NCL: variants seen among roughly 807,000 people sequenced by gnomAD.
The protein encoded by NCL is nucleolin multifunctional protein.
NCL carries 4 observed loss-of-function variants against 77.7 expected under a neutral mutation model. The ratio of observed to expected loss-of-function variants is 0.05; its 90% confidence interval spans 0.03 to 0.12. The LOEUF is 0.12. Ranked by LOEUF, NCL falls within the 10% of genes least tolerant of loss-of-function variation. The pLI is 1.00. For missense variants in NCL, 763 were observed against 860.9 expected (o/e 0.89, Z 1.42); for synonymous variants, 344 against 297.8 (o/e 1.16, Z -1.60).
At chr2:231,463,379 G>A in intron 1 of NCL, 63 bp from the exon 2 acceptor site, 5 of 1,107,240 alleles carry the variant, frequency 4.5e-6, no homozygotes, top group Non-Finnish European at 6.8e-6. Flanking sequence ...TTCATATTTT[G>A]CCATTAGTGT....
At chr2:231,464,291 G>C (rs752358774) in intron 1 of NCL, 45 bp downstream of exon 1, 4 of 1,558,532 alleles carry the variant, frequency 2.6e-6, no homozygotes, top group Non-Finnish European at 3.5e-6. Flanking sequence ...CTCGCCCCTC[G>C]GAAAGCAGGC....
chr2:231,462,089 G>A lies in NCL; in HGVS notation c.136-72C>T, dbSNP rs762586370. On this transcript the variant is annotated intron_variant, in intron 2 of 13. Transcript: ENST00000322723. Reference sequence around the variant, plus strand: ...AAAAAGATAACCATGGTCCCAATGAGATGTTAGACTCTGGCAATGCCTCTG... The same window carrying A: ...AAAAAGATAACCATGGTCCCAATGAAATGTTAGACTCTGGCAATGCCTCTG... 11 of 1,566,326 alleles carry A rather than the reference G, an allele frequency of 7.0e-6. No individual in the cohort carries two copies. The African/African-American group carries it at 1.1e-4, about 15-fold the overall frequency.
In NCL at chr2:231,461,948, T is replaced by C. The variant is rs199566591; in HGVS notation, c.205A>G (p.Thr69Ala). 1 of 1,613,174 alleles carries C rather than the reference T, an allele frequency of 6.2e-7. No homozygotes were observed. Among genetic ancestry groups the C allele is most frequent in the East Asian group, 2.2e-5 (1 of 44,890 alleles). Residue 69 changes from threonine (T) to alanine (A), a missense_variant, in exon 3 of 14, where the codon ACA (threonine) becomes GCA (alanine). Thr to Ala is a moderately conservative substitution (Grantham distance 58). This residue lies in a region of NCL where 590 missense variants were observed against 570.5 expected (regional missense o/e 1.03). Transcript: ENST00000322723. ...TSAKKVVVSPTKKVAVATPAK... is the reference protein window; with the variant it reads ...TSAKKVVVSPAKKVAVATPAK... The stretch of plus-strand genomic sequence containing the variant: ...GGTGTGGCAACTGCAACCTTTTTTG[T>C]TGGGGAAACGACCACCTTCTTTGCT...
intron 8 of NCL, 47 bp downstream of exon 8, chr2:231,458,219 T>G (rs745626994): frequency 2.5e-6 from 4 of 1,584,324 alleles, no homozygotes; most frequent in Non-Finnish European, 3.4e-6. Flanking sequence ...AGCAGGAAAG[T>G]GCATTAATGT....
rs372902180 is a variant in NCL, at chr2:231,458,214, G to A, written c.1289+52C>T. The stretch of plus-strand genomic sequence containing the variant: ...AACCAATATTTCTTTTATAAAGCAG[G>A]AAAGTGCATTAATGTTAATAAAACC... On this transcript the variant is annotated intron_variant, in intron 8 of 13. Transcript: ENST00000322723. The A allele has an allele frequency of 3.4e-5, 54 of 1,582,300 alleles. No homozygotes were observed. The African/African-American group carries it at 5.2e-4, about 15-fold the overall frequency.
rs531202908 is a variant in NCL, at chr2:231,460,586, G to A, written c.812-22C>T. ...GGCTCTGGACAAGATGTCAAACAAT[G>A]TATCACACATCAGTAGCCACAAACA... is the stretch of plus-strand genomic sequence containing the variant. On this transcript the variant is annotated intron_variant, in intron 4 of 13. Transcript: ENST00000322723. The A allele has an allele frequency of 9.9e-6, 16 of 1,614,156 alleles. No homozygotes were observed. In the East Asian group the frequency reaches 2.9e-4, roughly 29 times the overall value.
At chr2:231,458,705 T>C (rs1559541200) in intron 7 of NCL, 1 of 422,148 alleles carries the variant, frequency 2.4e-6, no homozygotes, top group South Asian at 3.9e-5. Context: ...AGGGACCTAA[T>C]CTAGTTTCAG....
intron 1 of NCL, 71 bp from the exon 2 acceptor site, chr2:231,463,387 T>A: frequency 1.0e-6 from 1 of 971,594 alleles, no homozygotes; most frequent in Middle Eastern, 2.1e-4. Context: ...TTGCCATTAG[T>A]GTTCATACGC....
rs2046869533 is a variant in NCL at position 231,454,929 on chromosome 2, CATGGGATGAAACAATATA to C, written c.*244_*261del. 1 of 307,540 alleles carries C rather than the reference CATGGGATGAAACAATATA, an allele frequency of 3.3e-6. No individual in the cohort carries two copies. Among genetic ancestry groups the C allele is most frequent in the Non-Finnish European group, 6.0e-6 (1 of 167,888 alleles). The allele number at this position is 307,540 out of a possible 1,614,324, so 19.1% of individuals were successfully genotyped here. A position where few individuals can be genotyped will look rare whatever the true frequency, so the allele number is the denominator to read the frequency against. The stretch of plus-strand genomic sequence containing the variant: ...ATTTGTAGGAAAAAATGGTTTTGTA[CATGGGATGAAACAATATA>C]AATTCAAAACTTACAGATAAGGGTT... On this transcript the variant is annotated 3_prime_UTR_variant, in exon 14 of 14. Transcript: ENST00000322723.
In NCL at chr2:231,455,455, C is replaced by G; in HGVS notation, c.2002G>C (p.Gly668Arg). 1.2e-6 allele frequency: 2 copies of G among 1,614,140 alleles called. No individual in the cohort carries two copies. The highest frequency in any genetic ancestry group is 1.7e-6 in the Non-Finnish European group (2 of 1,180,006). ...AATCCTCCTCGGCCTCCTCTACCAC[C>G]ACCTCGTCCTCCAAAGCCGCCTCTG... ...GGRGGFGGRG[G>R]GRGGRGGFGG... Residue 668 changes from glycine to arginine, a missense_variant, in exon 13 of 14, where the codon GGT (glycine) becomes CGT (arginine). Around this residue, in one of 2 missense-constraint regions of NCL, gnomAD observed 173 missense variants for 290.4 expected, o/e 0.60. Transcript: ENST00000322723.
At chr2:231,464,052 G>C in intron 1 of NCL, 4 of 1,221,464 alleles carry the variant, frequency 3.3e-6, no homozygotes, top group Non-Finnish European at 4.2e-6. Flanking sequence ...CGTCGCAAAA[G>C]TTTGGTCTCA....
rs1159196194 is a variant in NCL at position 231,453,906 on chromosome 2, C to A, written c.*1285G>T. 6.6e-6 allele frequency: 1 copy of A among 152,210 alleles called. No homozygotes were observed. Among genetic ancestry groups the A allele is most frequent in the Non-Finnish European group, 1.5e-5 (1 of 68,040 alleles). The allele number at this position is 152,210 out of a possible 1,614,324, so 9.4% of individuals were successfully genotyped here. A position where few individuals can be genotyped will look rare whatever the true frequency, so the allele number is the denominator to read the frequency against. On this transcript the variant is annotated 3_prime_UTR_variant, in exon 14 of 14. Transcript: ENST00000322723. The stretch of plus-strand genomic sequence containing the variant: ...AGAACAGGTTTTTGGACTTGGCTAC[C>A]TACATTGATTTTGGGCACTGGGTTT...
At chr2:231,458,528 A>T in intron 7 of NCL, 139 bp from the exon 8 acceptor site, 3 of 1,078,184 alleles carry the variant, frequency 2.8e-6, no homozygotes, top group Non-Finnish European at 3.9e-6. Flanking sequence ...CTCGGTGCTA[A>T]ATATGGAGAT....
intron 7 of NCL, chr2:231,458,743 AGGT>A (rs2046917430): frequency 2.1e-5 from 9 of 434,298 alleles, no homozygotes; most frequent in Non-Finnish European, 3.6e-5. Flanking sequence ...ACGTTAATTT[AGGT>A]GCATCTAATA....
chr2:231,456,834 C>T, intron 10 of NCL, 70 bp from the exon 11 acceptor site: 1 of 1,588,768 alleles, frequency 6.3e-7, no homozygotes, highest in Non-Finnish European at 8.6e-7. Context: ...CATGATGCTG[C>T]CAAGCCCCTT....
intron 7 of NCL, 185 bp downstream of exon 7, chr2:231,458,816 C>T (rs571121051): frequency 1.6e-6 from 1 of 612,806 alleles, no homozygotes; most frequent in South Asian, 3.5e-5. Flanking sequence ...CACTATAACA[C>T]TGACAAGCAG....
chr2:231,462,776 C>T (rs1045261706), intron 2 of NCL, among the ~76,000 whole-genome samples: 1 of 152,150 alleles, frequency 6.6e-6, no homozygotes, highest in African/African-American at 2.4e-5. Context: ...AACTATAAAA[C>T]ACAGTGAGTA....
At position 231,464,320 on chromosome 2, in the gene NCL, G is replaced by T. The variant is rs769530501; in HGVS notation, c.18+16C>A. On this transcript the variant is annotated intron_variant, in intron 1 of 13. Coordinates refer to ENST00000322723, the MANE Select transcript of NCL (RefSeq NM_005381.3). ...AGCAGGCCTACACGTCTGCGCTCGC[G>T]CTCAAGGCCGTTTACCTTCGCGAGC... 8.8e-6 allele frequency: 14 copies of T among 1,588,436 alleles called. No individual in the cohort carries two copies. The highest frequency in any genetic ancestry group is 1.3e-5 in the African/African-American group (1 of 74,248).
At position 231,454,846 on chromosome 2, in the gene NCL, C is replaced by CA. The variant is rs201409564; in HGVS notation, c.*344dup. ...CTTTTCTTTTACAACCCCACGAACG[C>CA]AAAAAAAAAAAAAACAAAAACAAAA... On this transcript the variant is annotated 3_prime_UTR_variant, in exon 14 of 14. Coordinates refer to ENST00000322723, the MANE Select transcript of NCL (RefSeq NM_005381.3). The CA allele has an allele frequency of 0.23, 22,409 of 96,128 alleles. 1,961 individuals carry two copies. The highest frequency in any genetic ancestry group is 0.43 in the East Asian group (1,952 of 4,526). The allele number at this position is 96,128 out of a possible 1,614,324, so 6.0% of individuals were successfully genotyped here. A position where few individuals can be genotyped will look rare whatever the true frequency, so the allele number is the denominator to read the frequency against.
Sources: gnomAD v4.1 joint callset for allele counts (sites outside exome capture counted in the v4.1 genomes callset) on GRCh38, gnomAD v4.1.1 for gene constraint, gnomAD v4.1.1 regional missense constraint, MANE v1.5 for transcripts, NCBI Gene and HGNC (gene_info 2026-07-23, HGNC 2026-07-21) for gene names.